The following TMEM163 variants were observed in gnomAD, a reference collection of about 807,000 sequenced individuals.
The protein encoded by TMEM163 is transmembrane protein 163.
In TMEM163, 17 loss-of-function variants were observed where a neutral mutation model predicts 29.3. The observed-to-expected ratio is 0.58, with a 90% CI of 0.40 to 0.87. The LOEUF (loss-of-function observed/expected upper bound fraction) is 0.87, where lower values mean the gene tolerates loss of function less well. TMEM163 is among the 40% of genes least tolerant of loss of function. The pLI, the probability that TMEM163 is intolerant of heterozygous loss-of-function variation, is 0.00. For synonymous variants in TMEM163, 157 were observed against 160.6 expected, an observed-to-expected ratio of 0.98 and a Z score of 0.17; for missense variants, 303 against 381.5, an observed-to-expected ratio of 0.79 and a Z score of 1.71.
At chr2:134,543,122 A>T (rs1052272961) in intron 4 of TMEM163, among the ~76,000 whole-genome samples, 28 of 152,152 alleles carry the variant, frequency 1.8e-4, no homozygotes, top group African/African-American at 6.3e-4. Flanking sequence ...AATTTAGCCC[A>T]TAACAGGAAC....
intron 2 of TMEM163, among the ~76,000 whole-genome samples, chr2:134,616,809 T>C (rs1682617873): frequency 6.6e-6 from 1 of 152,234 alleles, no homozygotes; most frequent in African/African-American, 2.4e-5. Flanking sequence ...GTATATCTTT[T>C]TTGCAAATTC....
At chr2:134,505,118 T>G (rs1268958209) in intron 4 of TMEM163, among the ~76,000 whole-genome samples, 2 of 152,024 alleles carry the variant, frequency 1.3e-5, no homozygotes, top group Non-Finnish European at 2.9e-5. Context: ...CTTCCCTCCA[T>G]TCACAAAACT....
At chr2:134,679,507 T>C (rs1684185813) in intron 2 of TMEM163, among the ~76,000 whole-genome samples, 1 of 152,154 alleles carries the variant, frequency 6.6e-6, no homozygotes, top group African/African-American at 2.4e-5. Context: ...AATTTACACT[T>C]AGAACAATTC....
intron 2 of TMEM163, among the ~76,000 whole-genome samples, chr2:134,693,236 C>A (rs1373359634): frequency 6.6e-6 from 1 of 152,150 alleles, no homozygotes; most frequent in Non-Finnish European, 1.5e-5. Flanking sequence ...CTGATATGGG[C>A]CCTGCTTGAA....
chr2:134,614,382 A>T (rs970976604), intron 2 of TMEM163, among the ~76,000 whole-genome samples: 4 of 151,916 alleles, frequency 2.6e-5, no homozygotes, highest in African/African-American at 9.7e-5. Flanking sequence ...ATATTTTCTA[A>T]TTTTTCTAAT....
At chr2:134,604,262 C>T (rs1682300512) in intron 2 of TMEM163, among the ~76,000 whole-genome samples, 1 of 152,116 alleles carries the variant, frequency 6.6e-6, no homozygotes, top group African/African-American at 2.4e-5. Context: ...GCTGGGGATG[C>T]CGAATGTCCA....
chr2:134,486,122 G>A (rs952633992), intron 5 of TMEM163, among the ~76,000 whole-genome samples: 1 of 152,120 alleles, frequency 6.6e-6, no homozygotes, highest in Non-Finnish European at 1.5e-5. Context: ...ATACAATATG[G>A]AGAAGCTCTA....
chr2:134,489,027 G>A (rs1479402804), intron 5 of TMEM163, among the ~76,000 whole-genome samples: 1 of 152,090 alleles, frequency 6.6e-6, no homozygotes. Context: ...GGGCACTTGG[G>A]AAGATCTATA....
intron 4 of TMEM163, among the ~76,000 whole-genome samples, chr2:134,516,437 T>A (rs143423873): frequency 6.7e-4 from 102 of 151,920 alleles, no homozygotes; most frequent in African/African-American, 2.4e-3. Flanking sequence ...GGTGGGTGCC[T>A]GTAATCCTAG....
At chr2:134,489,575 C>CAA (rs34513401) in intron 5 of TMEM163, among the ~76,000 whole-genome samples, 27 of 130,066 alleles carry the variant, frequency 2.1e-4, no homozygotes, top group East Asian at 4.5e-4. Flanking sequence ...GACTCTCTCT[C>CAA]AAAAAAAAAA....
At chr2:134,536,432 G>A (rs1054925708) in intron 4 of TMEM163, among the ~76,000 whole-genome samples, 3 of 152,052 alleles carry the variant, frequency 2.0e-5, no homozygotes, top group Non-Finnish European at 2.9e-5. Context: ...CATAGCACGC[G>A]AAGACTCCCT....
chr2:134,539,859 G>A (rs1271401039), intron 4 of TMEM163, among the ~76,000 whole-genome samples: 1 of 152,198 alleles, frequency 6.6e-6, no homozygotes, highest in African/African-American at 2.4e-5. Flanking sequence ...ATCTGAGAAG[G>A]GAAGGAGCTT....
chr2:134,696,474 G>A (rs1317831714), intron 2 of TMEM163, among the ~76,000 whole-genome samples: 4 of 152,144 alleles, frequency 2.6e-5, no homozygotes, highest in Non-Finnish European at 5.9e-5. Context: ...GCATGTATTA[G>A]GGTTAATATA....
At chr2:134,569,160 G>A (rs1467827428) in intron 2 of TMEM163, among the ~76,000 whole-genome samples, 7 of 152,118 alleles carry the variant, frequency 4.6e-5, no homozygotes, top group African/African-American at 1.7e-4. Context: ...ATAAAAATAG[G>A]AGTCATAGTT....
At chr2:134,604,252 G>C (rs1195501907) in intron 2 of TMEM163, among the ~76,000 whole-genome samples, 1 of 152,194 alleles carries the variant, frequency 6.6e-6, no homozygotes, top group African/African-American at 2.4e-5. Flanking sequence ...TACAGGGAAA[G>C]CTGGGGATGC....
chr2:134,702,318 T>C (rs1208204156), intron 2 of TMEM163, among the ~76,000 whole-genome samples: 2 of 152,074 alleles, frequency 1.3e-5, no homozygotes, highest in African/African-American at 4.8e-5. Flanking sequence ...TTTTTAACCA[T>C]CACAAATATT....
At chr2:134,599,313 T>C (rs188759796) in intron 2 of TMEM163, among the ~76,000 whole-genome samples, 2 of 152,264 alleles carry the variant, frequency 1.3e-5, no homozygotes, top group East Asian at 3.9e-4. Flanking sequence ...GACTAAATGT[T>C]TATGCCTCTC....
chr2:134,568,225 C>A (rs1223649482), intron 2 of TMEM163, among the ~76,000 whole-genome samples: 2 of 152,116 alleles, frequency 1.3e-5, no homozygotes, highest in African/African-American at 4.8e-5. Flanking sequence ...CATAGAGAAA[C>A]AAGAATAAAG....
chr2:134,688,627 T>C (rs1684394686), intron 2 of TMEM163, among the ~76,000 whole-genome samples: 1 of 152,254 alleles, frequency 6.6e-6, no homozygotes, highest in Admixed American at 6.5e-5. Flanking sequence ...GCTGTAACTA[T>C]TTCTCCACTG....
Sources: allele counts gnomAD v4.1 joint callset (sites outside exome capture counted in the v4.1 genomes callset), GRCh38; gene constraint gnomAD v4.1.1; transcripts MANE v1.5; gene names NCBI Gene and HGNC (gene_info 2026-07-23, HGNC 2026-07-21).